Variants in AGBL1 observed in about 807,000 individuals in gnomAD.
AGBL1 encodes the protein AGBL carboxypeptidase 1, also known as cytosolic carboxypeptidase 4.
AGBL1 carries 130 observed loss-of-function variants against 118.9 expected under a neutral mutation model. The ratio of observed to expected loss-of-function variants is 1.09; its 90% CI spans 0.95 to 1.26. The LOEUF is 1.26. Ranked by LOEUF, AGBL1 falls within the 50% of genes most tolerant of loss-of-function variation. The probability of loss-of-function intolerance (pLI) is 0.00; values close to 1 mark genes in which losing one functional copy is unlikely to be tolerated. For synonymous variants in AGBL1, 555 were observed against 478.9 expected (o/e 1.16, Z -2.08); for missense variants, 1,584 against 1,298.1 (o/e 1.22, Z -3.38).
intron 24 of AGBL1, among the ~76,000 whole-genome samples, chr15:86,998,470 A>G (rs1175034994): frequency 2.6e-5 from 4 of 152,156 alleles, no homozygotes; most frequent in Non-Finnish European, 5.9e-5. Flanking sequence ...CCCAGCTGAG[A>G]CTTACATGAG....
intron 5 of AGBL1, among the ~76,000 whole-genome samples, chr15:86,180,131 A>G (rs1597502011): frequency 6.6e-6 from 1 of 152,130 alleles, no homozygotes; most frequent in Admixed American, 6.6e-5. Context: ...AAATTGATCT[A>G]TAGATTCGTT....
chr15:86,635,978 A>G (rs946591986), intron 21 of AGBL1, among the ~76,000 whole-genome samples: 1 of 152,144 alleles, frequency 6.6e-6, no homozygotes, highest in Non-Finnish European at 1.5e-5. Context: ...GATGGTAGCC[A>G]TGATTTAATG....
intron 19 of AGBL1, among the ~76,000 whole-genome samples, chr15:86,528,165 A>T (rs528529931): frequency 8.6e-4 from 131 of 152,312 alleles, no homozygotes; most frequent in African/African-American, 3.1e-3. Context: ...GACGCAGAAG[A>T]CGGGTGATTT....
chr15:86,343,633 G>A (rs755959228), intron 17 of AGBL1, among the ~76,000 whole-genome samples: 1 of 152,196 alleles, frequency 6.6e-6, no homozygotes, highest in Non-Finnish European at 1.5e-5. Flanking sequence ...TAAAGGGGCC[G>A]TGATAGATTT....
chr15:87,004,830 C>T (rs958995889), intron 24 of AGBL1, among the ~76,000 whole-genome samples: 1 of 152,120 alleles, frequency 6.6e-6, no homozygotes, highest in Non-Finnish European at 1.5e-5. Flanking sequence ...GTGGCTGGTT[C>T]CGGTTGTTCC....
chr15:86,627,108 C>G (rs1461104212), intron 21 of AGBL1, among the ~76,000 whole-genome samples: 1 of 152,054 alleles, frequency 6.6e-6, no homozygotes, highest in African/African-American at 2.4e-5. Flanking sequence ...TCAAGTGATT[C>G]TCCTGCCTCA....
At chr15:86,112,392 TATTTAACAC>T (rs1380796847) in intron 1 of AGBL1, among the ~76,000 whole-genome samples, 1 of 152,236 alleles carries the variant, frequency 6.6e-6, no homozygotes, top group Non-Finnish European at 1.5e-5. Context: ...CATTTTTGTG[TATTTAACAC>T]TATAACATGA....
At chr15:86,493,905 A>G (rs565489398) in intron 18 of AGBL1, among the ~76,000 whole-genome samples, 4 of 151,946 alleles carry the variant, frequency 2.6e-5, no homozygotes, top group East Asian at 1.9e-4. Flanking sequence ...TTAGCTTCAT[A>G]TCAGTGCATG....
chr15:86,723,334 G>A (rs2086762859), intron 22 of AGBL1, among the ~76,000 whole-genome samples: 1 of 152,198 alleles, frequency 6.6e-6, no homozygotes. Context: ...CATAAAAAAT[G>A]ATGAGTTCAT....
At chr15:86,996,953 A>G (rs1453482169) in intron 24 of AGBL1, among the ~76,000 whole-genome samples, 1 of 152,166 alleles carries the variant, frequency 6.6e-6, no homozygotes, top group African/African-American at 2.4e-5. Flanking sequence ...AGAGACCACC[A>G]CAGAAAATAT....
intron 18 of AGBL1, among the ~76,000 whole-genome samples, chr15:86,437,880 C>T (rs776306619): frequency 6.6e-6 from 1 of 151,982 alleles, no homozygotes; most frequent in Non-Finnish European, 1.5e-5. Context: ...TCCAGCTAAG[C>T]CTCAGTTTTC....
rs531160033 is a variant in AGBL1 at position 86,966,885 on chromosome 15, C to A, written c.3222-21102C>A. On this transcript the variant is annotated intron_variant, in intron 23 of 24. Coordinates refer to the AGBL1 transcript ENST00000441037. ...CAAATGGTATTTCTAGTTCTAGATC[C>A]CCGAGAAATCACCACACTGACTTCC... Among the ~76,000 whole-genome samples, 9 of 152,058 alleles carry A rather than the reference C, an allele frequency of 5.9e-5. No homozygotes were observed. The South Asian group carries it at 1.9e-3, about 32-fold the overall frequency.
intron 18 of AGBL1, among the ~76,000 whole-genome samples, chr15:86,509,018 G>C (rs2083020322): frequency 6.6e-6 from 1 of 152,046 alleles, no homozygotes; most frequent in Non-Finnish European, 1.5e-5. Flanking sequence ...GAAATAAAAA[G>C]ACAGGCTTGT....
chr15:86,594,359 C>CT (rs2084378739), intron 21 of AGBL1, among the ~76,000 whole-genome samples: 2 of 151,974 alleles, frequency 1.3e-5, no homozygotes, highest in Admixed American at 6.6e-5. Context: ...TTGTAATTTT[C>CT]TTTTTTTGGT....
chr15:86,827,312 T>C (rs12907022), intron 22 of AGBL1, among the ~76,000 whole-genome samples: 207 of 10,106 alleles, frequency 0.02, 24 homozygotes, highest in Middle Eastern at 0.036. Context: ...TGTATATATA[T>C]ATATACACAC....
At chr15:86,675,525 AG>A (rs1315314096) in intron 22 of AGBL1, among the ~76,000 whole-genome samples, 2 of 152,150 alleles carry the variant, frequency 1.3e-5, no homozygotes, top group Non-Finnish European at 2.9e-5. Flanking sequence ...AAGTAAGTGC[AG>A]GGCTCTTTCC....
intron 21 of AGBL1, among the ~76,000 whole-genome samples, chr15:86,645,781 C>A (rs1221526443): frequency 6.6e-6 from 1 of 152,190 alleles, no homozygotes; most frequent in Non-Finnish European, 1.5e-5. Flanking sequence ...GCCTGCATTA[C>A]AATCTTGGTT....
intron 24 of AGBL1, among the ~76,000 whole-genome samples, chr15:87,002,282 A>G (rs1329010711): frequency 6.6e-6 from 1 of 151,916 alleles, no homozygotes; most frequent in Non-Finnish European, 1.5e-5. Flanking sequence ...AAGATCAGAT[A>G]GTTGTAGATG....
At chr15:86,365,034 C>CATATATATACACACATATATATACACAT (rs2080866681) in intron 17 of AGBL1, among the ~76,000 whole-genome samples, 1 of 111,360 alleles carries the variant, frequency 9.0e-6, no homozygotes, top group Non-Finnish European at 1.9e-5. Context: ...TATACACACA[C>CATATATATACACACATATATATACACAT]ATATATATAC....
Sources: allele counts gnomAD v4.1 joint callset (sites outside exome capture counted in the v4.1 genomes callset), GRCh38; gene constraint gnomAD v4.1.1; transcripts MANE v1.5; gene names NCBI Gene and HGNC (gene_info 2026-07-23, HGNC 2026-07-21).